CAMK1: variants seen among roughly 807,000 people sequenced by gnomAD.
CAMK1 encodes calcium/calmodulin-dependent protein kinase type 1.
CAMK1 carries 39 observed loss-of-function variants against 49.1 expected under a neutral mutation model. The observed-to-expected ratio is 0.79, with a 90% CI of 0.62 to 1.04. The LOEUF (loss-of-function observed/expected upper bound fraction) is 1.04, where lower values mean the gene tolerates loss of function less well. CAMK1 is among the 50% of genes least tolerant of loss of function. CAMK1 has a pLI of 0.00. For synonymous variants in CAMK1, 192 were observed against 185.2 expected (o/e 1.04, Z -0.30); for missense variants, 457 against 472.2 (o/e 0.97, Z 0.30).
Position 9,765,847 on chromosome 3 carries a change from G to A in CAMK1, c.127C>T (p.Gln43Ter), listed in dbSNP as rs770894597. 4 of 1,613,906 alleles carry A rather than the reference G, an allele frequency of 2.5e-6. No homozygotes were observed. The South Asian group carries it at 4.4e-5, about 18-fold the overall frequency. Residue 43 changes from glutamine to a stop codon, truncating the protein, a stop_gained, in exon 3 of 12, where the codon CAG becomes TAG. Coordinates refer to ENST00000256460, the MANE Select transcript of CAMK1 (RefSeq NM_003656.5). LOFTEE classifies it high-confidence loss of function. ...ATGCATTTGATGGCCACCAGCTTCT[G>A]CGTCCTCTTATCTTCTGCCAGGATC... The part of the protein sequence containing the change: ...EVILAEDKRT[Q>*]KLVAIKCIAK...
At chr3:9,758,061 A>C in intron 10 of CAMK1, 1 of 603,512 alleles carries the variant, frequency 1.7e-6, no homozygotes, top group Non-Finnish European at 2.7e-6. Context: ...GTGTATCTAT[A>C]TATATAAATA....
At chr3:9,761,905 C>G in intron 5 of CAMK1, 148 bp from the exon 6 acceptor site, 10 of 1,255,520 alleles carry the variant, frequency 8.0e-6, no homozygotes, top group South Asian at 1.6e-5. Context: ...CAAGGAAGCT[C>G]TCAAGAAGGC....
At chr3:9,769,156 C>T (rs1285511044) in intron 1 of CAMK1, among the ~76,000 whole-genome samples, 2 of 151,934 alleles carry the variant, frequency 1.3e-5, no homozygotes, top group African/African-American at 2.4e-5. Flanking sequence ...CACCCGAACA[C>T]CTGCCTGTCC....
In CAMK1 at chr3:9,767,704, T is replaced by C; in HGVS notation, c.46A>G (p.Ile16Val). 6.2e-7 allele frequency: 1 copy of C among 1,614,096 alleles called. No individual in the cohort carries two copies. The highest frequency in any genetic ancestry group is 8.5e-7 in the Non-Finnish European group (1 of 1,180,000). ...EGPRWKQAED[I>V]RDIYDFRDVL... is the part of the protein sequence containing the mutation. ...TCTCGGAAGTCGTAGATGTCTCTAA[T>C]GTCCTCCGCCTGCTTCCACCTGGGG... is the stretch of plus-strand genomic sequence containing the variant. Residue 16 changes from isoleucine to valine, a missense_variant, in exon 2 of 12, where the codon ATT becomes GTT. Ile to Val is a conservative substitution (Grantham distance 29, BLOSUM62 3). Transcript: ENST00000256460.
At chr3:9,762,180 T>C (rs1237960385) in intron 5 of CAMK1, 1 of 164,700 alleles carries the variant, frequency 6.1e-6, no homozygotes, top group Non-Finnish European at 1.3e-5. Flanking sequence ...AGAGCCAGAA[T>C]TCAAAACCAG....
chr3:9,764,696 G>A (rs2125589856), intron 3 of CAMK1, among the ~76,000 whole-genome samples: 1 of 135,264 alleles, frequency 7.4e-6, no homozygotes, highest in Middle Eastern at 4.8e-3. Context: ...TGCACGGTGT[G>A]ATCTCGGCTC....
rs2077754613 is a variant in CAMK1, at chr3:9,759,686, G to A, written c.810C>T (p.Ala270=). 1 of 1,614,200 alleles carries A rather than the reference G, an allele frequency of 6.2e-7. No individual in the cohort carries two copies. Among genetic ancestry groups the A allele is most frequent in the South Asian group, 1.1e-5 (1 of 91,084 alleles). ...DPEKRFTCEQ[A]LQHPWIAGDT... is the part of the protein sequence containing the mutation. ...TGAATTCTCACCATGGGTGCTGCAA[G>A]GCCTGCTCACAGGTGAATCTTTTCT... Residue 270 remains alanine, a synonymous_variant, in exon 9 of 12, where the codon GCC becomes GCT. Transcript: ENST00000256460.
At chr3:9,761,412 G>C (rs539428579) in intron 7 of CAMK1, 49 bp downstream of exon 7, 1 of 1,562,558 alleles carries the variant, frequency 6.4e-7, no homozygotes, top group Non-Finnish European at 8.7e-7. Context: ...GAAAGTAGGC[G>C]AGAGGACAAC....
chr3:9,761,877 T>TGAA (rs1231193867), intron 5 of CAMK1, 120 bp from the exon 6 acceptor site: 90 of 1,435,394 alleles, frequency 6.3e-5, no homozygotes, highest in Non-Finnish European at 7.7e-5. Flanking sequence ...TGTGGCTTCA[T>TGAA]GGCTGTCATA....
chr3:9,758,343 GT>G (rs957812320), intron 10 of CAMK1: 3 of 154,780 alleles, frequency 1.9e-5, no homozygotes, highest in African/African-American at 4.8e-5. Flanking sequence ...CCCAAAACAT[GT>G]TTCTGTCCCT....
At chr3:9,759,779 A>T (rs771470786) in intron 8 of CAMK1, 29 bp from the exon 9 acceptor site, 3 of 1,614,102 alleles carry the variant, frequency 1.9e-6, no homozygotes, top group Non-Finnish European at 1.7e-6. Flanking sequence ...AGCAAAGATA[A>T]TGACAGCATG....
intron 2 of CAMK1, chr3:9,766,592 A>C (rs1559705251): frequency 9.9e-7 from 1 of 1,009,064 alleles, no homozygotes. Flanking sequence ...ATTGAACTTT[A>C]AGAAGCAGTG....
intron 5 of CAMK1, 31 bp from the exon 6 acceptor site, chr3:9,761,788 A>G (rs1316482052): frequency 1.2e-6 from 2 of 1,612,976 alleles, no homozygotes; most frequent in Non-Finnish European, 1.7e-6. Flanking sequence ...AGAAGGGGCA[A>G]TCAGAGATGG....
chr3:9,759,858 G>A (rs1325177273), intron 8 of CAMK1, 108 bp from the exon 9 acceptor site: 3 of 1,594,746 alleles, frequency 1.9e-6, no homozygotes, highest in Non-Finnish European at 2.6e-6. Flanking sequence ...AGACAAAGAG[G>A]CCAAATCAGT....
chr3:9,759,422 G>A, intron 10 of CAMK1, 66 bp downstream of exon 10: 1 of 1,608,610 alleles, frequency 6.2e-7, no homozygotes, highest in Non-Finnish European at 8.5e-7. Context: ...TGTGCAAGCT[G>A]AGCCTGGGTA....
intron 1 of CAMK1, among the ~76,000 whole-genome samples, chr3:9,768,636 T>G (rs1245082541): frequency 6.6e-6 from 1 of 152,220 alleles, no homozygotes; most frequent in Non-Finnish European, 1.5e-5. Context: ...TGGCCTTGGC[T>G]GGTACTTCCA....
chr3:9,767,369 C>G (rs2078183144), intron 2 of CAMK1, among the ~76,000 whole-genome samples: 1 of 152,222 alleles, frequency 6.6e-6, no homozygotes, highest in South Asian at 2.1e-4. Flanking sequence ...CCATCTCCAG[C>G]CTCAGTTCCC....
intron 10 of CAMK1, 152 bp downstream of exon 10, chr3:9,759,336 T>A: frequency 1.3e-6 from 2 of 1,564,292 alleles, no homozygotes; most frequent in Non-Finnish European, 1.8e-6. Context: ...GTTTGTTGAA[T>A]GAAAGAGTGA....
intron 2 of CAMK1, 199 bp from the exon 3 acceptor site, chr3:9,766,089 C>A: frequency 6.6e-7 from 1 of 1,512,938 alleles, no homozygotes. Flanking sequence ...TCTCCCCTGG[C>A]CACAGTAATT....
Sources: gnomAD v4.1 joint callset for allele counts (sites outside exome capture counted in the v4.1 genomes callset) on GRCh38, gnomAD v4.1.1 for gene constraint, MANE v1.5 for transcripts, NCBI Gene and HGNC (gene_info 2026-07-23, HGNC 2026-07-21) for gene names.